Variants in NACC2 observed in about 807,000 individuals in gnomAD.
NACC2 encodes nucleus accumbens-associated protein 2.
NACC2 carries 8 observed loss-of-function variants against 25.1 expected under a neutral mutation model. The observed-to-expected ratio is 0.32, with a 90% CI of 0.19 to 0.57. NACC2 has a LOEUF of 0.57. NACC2 is among the 20% of genes least tolerant of loss of function. NACC2 has a pLI of 0.89. For synonymous variants in NACC2, 435 were observed against 294.7 expected (o/e 1.48, Z -4.88); for missense variants, 644 against 650.2 (o/e 0.99, Z 0.10).
intron 1 of NACC2, among the ~76,000 whole-genome samples, chr9:136,085,808 G>A (rs1830373611): frequency 6.6e-6 from 1 of 152,232 alleles, no homozygotes. Flanking sequence ...GTCCCCACCT[G>A]CCAATGCTGG....
intron 1 of NACC2, among the ~76,000 whole-genome samples, chr9:136,082,585 C>T (rs1830335356): frequency 6.6e-6 from 1 of 152,222 alleles, no homozygotes; most frequent in Non-Finnish European, 1.5e-5. Context: ...CCAGGTAGAG[C>T]CGAGGCGTCT....
chr9:136,033,518 C>T (rs1262650213), intron 2 of NACC2, among the ~76,000 whole-genome samples: 2 of 151,154 alleles, frequency 1.3e-5, no homozygotes, highest in South Asian at 2.1e-4. Flanking sequence ...GGCGTGGTGG[C>T]GGGTGCCTGT....
rs1830353776 is a variant in NACC2, at chr9:136,084,113, A to C, written c.-60+11076T>G. ...AGGGTGTCCCTCACTCAGTGGCTCC[A>C]GGGACAACTGAGGGACATGGATCCA... On this transcript the variant is annotated intron_variant, in intron 1 of 5. Transcript: ENST00000277554. The surrounding 1 kb of genome is among the most constrained non-coding windows in gnomAD (Gnocchi z 5.1). Among the ~76,000 whole-genome samples the C allele has an allele frequency of 6.6e-6, 1 of 151,912 alleles. No individual in the cohort carries two copies. Among genetic ancestry groups the C allele is most frequent in the Non-Finnish European group, 1.5e-5 (1 of 67,962 alleles).
At chr9:136,069,667 A>G (rs1361717500) in intron 1 of NACC2, among the ~76,000 whole-genome samples, 1 of 152,000 alleles carries the variant, frequency 6.6e-6, no homozygotes, top group African/African-American at 2.4e-5. Flanking sequence ...CATAAAAGAA[A>G]GCAAGGGTTG....
chr9:136,012,543 G>A (rs1219957823), intron 5 of NACC2, among the ~76,000 whole-genome samples: 1 of 152,196 alleles, frequency 6.6e-6, no homozygotes, highest in Non-Finnish European at 1.5e-5. Context: ...GTCCACCTCG[G>A]TCCCTCCCAG....
At chr9:136,088,842 C>T (rs1830405615) in intron 1 of NACC2, among the ~76,000 whole-genome samples, 2 of 152,162 alleles carry the variant, frequency 1.3e-5, no homozygotes, top group Non-Finnish European at 2.9e-5. Context: ...AGGGACCTAC[C>T]CCAAGCCCCG....
In NACC2 at chr9:136,006,642, C is replaced by G. The variant is rs987014510; in HGVS notation, c.*4874G>C. ...TGTCATGGATTTCCACTGTCTGAAACGGCTCTGAGCACGCTTGAAGCCCTC... is the reference window on the plus strand; with the variant it reads ...TGTCATGGATTTCCACTGTCTGAAAGGGCTCTGAGCACGCTTGAAGCCCTC... On this transcript the variant is annotated 3_prime_UTR_variant, in exon 6 of 6. Coordinates refer to ENST00000277554, the MANE Select transcript of NACC2 (RefSeq NM_144653.5). 1 of 151,914 alleles carries G rather than the reference C, an allele frequency of 6.6e-6. No individual in the cohort carries two copies. The highest frequency in any genetic ancestry group is 1.5e-5 in the Non-Finnish European group (1 of 67,952). 9.4% of individuals were successfully genotyped at this position (151,914 alleles called of 1,614,324 possible).
intron 2 of NACC2, among the ~76,000 whole-genome samples, chr9:136,026,161 A>G (rs958198355): frequency 2.0e-5 from 3 of 151,452 alleles, no homozygotes; most frequent in Admixed American, 6.6e-5. Flanking sequence ...CTAACATGGC[A>G]AAACTCCGTC....
intron 2 of NACC2, among the ~76,000 whole-genome samples, chr9:136,048,794 A>T (rs1200137994): frequency 6.6e-6 from 1 of 152,200 alleles, no homozygotes. Context: ...CAGGAGGGGA[A>T]GGGCAGGGGG....
intron 2 of NACC2, among the ~76,000 whole-genome samples, chr9:136,042,865 GAGACAAAC>G (rs1479472402): frequency 0.072 from 8,942 of 124,514 alleles, 488 homozygotes; most frequent in East Asian, 0.23. Flanking sequence ...CAGAGACACA[GAGACAAAC>G]AGACACACAC....
chr9:136,044,682 C>G (rs1026931513), intron 2 of NACC2, among the ~76,000 whole-genome samples: 2 of 152,246 alleles, frequency 1.3e-5, no homozygotes, highest in African/African-American at 2.4e-5. Flanking sequence ...AGTTCAGCCC[C>G]TCTTCTTGCT....
rs569263444 is a variant in NACC2, at chr9:136,067,200, G to GCCAAGATCGCA, written c.-59-16631_-59-16621dup. ...ACCCGGGAGGCGGACGTTGCGGTGA[G>GCCAAGATCGCA]CCAAGATCGCACCAAGATCGCACAC... On this transcript the variant is annotated intron_variant, in intron 1 of 5. Transcript: ENST00000277554. Among the ~76,000 whole-genome samples, 15 of 148,308 alleles carry GCCAAGATCGCA rather than the reference G, an allele frequency of 1.0e-4. No homozygotes were observed. In the South Asian group the frequency reaches 3.2e-3, roughly 31 times the overall value.
Position 136,031,877 on chromosome 9 carries a change from C to T in NACC2, c.887-15448G>A, listed in dbSNP as rs142626219. Among the ~76,000 whole-genome samples the T allele has an allele frequency of 9.1e-4, 139 of 152,286 alleles. No homozygotes were observed. The Middle Eastern group carries it at 0.01, about 11-fold the overall frequency. On this transcript the variant is annotated intron_variant, in intron 2 of 5. Coordinates refer to ENST00000277554, the MANE Select transcript of NACC2 (RefSeq NM_144653.5). ...CCTCCAGGCCCTGGCTCTGCATTCC[C>T]ACCTCCTCTAACTGTGAGGTTTTGG...
chr9:136,039,913 A>G (rs1350774991), intron 2 of NACC2, among the ~76,000 whole-genome samples: 1 of 152,108 alleles, frequency 6.6e-6, no homozygotes, highest in Non-Finnish European at 1.5e-5. Context: ...CAAGGTGTGC[A>G]AACTGCAGTA....
chr9:136,063,726 T>C (rs1016080603), intron 1 of NACC2, among the ~76,000 whole-genome samples: 2 of 151,214 alleles, frequency 1.3e-5, no homozygotes, highest in African/African-American at 4.9e-5. Flanking sequence ...CTACTAAAAA[T>C]AGAAAAATTA....
At chr9:136,052,197 C>T (rs1488900877) in intron 1 of NACC2, among the ~76,000 whole-genome samples, 1 of 152,206 alleles carries the variant, frequency 6.6e-6, no homozygotes, top group East Asian at 1.9e-4. Context: ...TGATGACTCA[C>T]TGCAATGCAA....
chr9:136,029,161 G>A lies in NACC2; in HGVS notation c.887-12732C>T, dbSNP rs998705375. Among the ~76,000 whole-genome samples, 201 of 152,244 alleles carry A rather than the reference G, an allele frequency of 1.3e-3. 3 individuals carry two copies. The highest frequency in any genetic ancestry group is 2.2e-4 in the Non-Finnish European group (15 of 68,012). ...AGTGAGAACTTATGTTGCCTTTTCC[G>A]GGCCCACTCATGGCTGCCCATGGAC... On this transcript the variant is annotated intron_variant, in intron 2 of 5. Coordinates refer to ENST00000277554, the MANE Select transcript of NACC2 (RefSeq NM_144653.5).
intron 1 of NACC2, among the ~76,000 whole-genome samples, chr9:136,080,759 G>A (rs1203329348): frequency 6.6e-6 from 1 of 152,182 alleles, no homozygotes; most frequent in African/African-American, 2.4e-5. Context: ...GGGGGGCCGT[G>A]ACACACACCC....
chr9:136,024,306 AGAGG>A, intron 2 of NACC2, among the ~76,000 whole-genome samples: 1 of 121,316 alleles, frequency 8.2e-6, no homozygotes, highest in African/African-American at 3.2e-5. Context: ...GTGTGAGGAC[AGAGG>A]GTTTGTGTGA....
Sources: allele counts gnomAD v4.1 joint callset (sites outside exome capture counted in the v4.1 genomes callset), GRCh38; gene constraint gnomAD v4.1.1; non-coding constraint Gnocchi (gnomAD v3.1); transcripts MANE v1.5; gene names NCBI Gene and HGNC (gene_info 2026-07-23, HGNC 2026-07-21).